Variants in DYNC2I2 observed in about 807,000 individuals in gnomAD.
DYNC2I2 encodes cytoplasmic dynein 2 intermediate chain 2.
In DYNC2I2, 39 loss-of-function variants were observed where a neutral mutation model predicts 52.0. That is an observed-to-expected ratio of 0.75 (90% CI 0.58 to 0.98). The LOEUF (loss-of-function observed/expected upper bound fraction) is 0.98, where lower values mean the gene tolerates loss of function less well. Ranked by LOEUF, DYNC2I2 falls within the 50% of genes least tolerant of loss-of-function variation. DYNC2I2 has a pLI of 0.00. For missense variants in DYNC2I2, 743 were observed against 728.4 expected, an observed-to-expected ratio of 1.02 and a Z score of -0.23; for synonymous variants, 359 against 321.1, an observed-to-expected ratio of 1.12 and a Z score of -1.26.
upstream of DYNC2I2, among the ~76,000 whole-genome samples, chr9:128,661,226 C>G (rs1860913040): frequency 6.8e-6 from 1 of 146,806 alleles, no homozygotes; most frequent in African/African-American, 2.5e-5. Context: ...CCTGTAATCC[C>G]AGCTACTCCG....
chr9:128,666,091 A>G, the DYNC2I2 span, among the ~76,000 whole-genome samples: 1 of 152,060 alleles, frequency 6.6e-6, no homozygotes, highest in Non-Finnish European at 1.5e-5. Flanking sequence ...ATAGAAAAAA[A>G]ATGTGTTGGA....
chr9:128,677,734 G>GA, the DYNC2I2 span, among the ~76,000 whole-genome samples: 1 of 152,090 alleles, frequency 6.6e-6, no homozygotes, highest in Admixed American at 6.6e-5. Flanking sequence ...TTGAACCCAG[G>GA]AGGCAGAAGG....
the DYNC2I2 span, among the ~76,000 whole-genome samples, chr9:128,665,509 C>T: frequency 3.3e-5 from 5 of 151,986 alleles, no homozygotes; most frequent in African/African-American, 1.2e-4. Context: ...GTGGTTCACA[C>T]CTGTAATTCC....
At chr9:128,636,461 C>T (rs771502199) in intron 3 of DYNC2I2, 23 bp from the exon 4 acceptor site, 23 of 1,583,014 alleles carry the variant, frequency 1.5e-5, no homozygotes, top group East Asian at 2.3e-5. Flanking sequence ...AGGCTTGAGC[C>T]GGCTGTGCCC....
At chr9:128,647,381 G>A (rs1170767879) in intron 1 of DYNC2I2, among the ~76,000 whole-genome samples, 1 of 152,084 alleles carries the variant, frequency 6.6e-6, no homozygotes, top group African/African-American at 2.4e-5. Flanking sequence ...CACTTCCTAG[G>A]CCACTCTCAG....
At chr9:128,660,210 G>A (rs193153350), upstream of DYNC2I2, among the ~76,000 whole-genome samples, 98 of 151,994 alleles carry the variant, frequency 6.4e-4, no homozygotes, top group African/African-American at 1.9e-3. Context: ...CCGGGTTCAC[G>A]CCGTTCTCCT....
chr9:128,649,624 G>C (rs1860686346), intron 1 of DYNC2I2, among the ~76,000 whole-genome samples: 1 of 140,808 alleles, frequency 7.1e-6, no homozygotes, highest in Admixed American at 7.9e-5. Flanking sequence ...AGGGGGCAGA[G>C]ATTGCAGTGA....
upstream of DYNC2I2, among the ~76,000 whole-genome samples, chr9:128,661,486 C>T (rs543509830): frequency 2.0e-5 from 3 of 151,516 alleles, no homozygotes; most frequent in Admixed American, 2.0e-4. Context: ...GGTGACATAG[C>T]GGGTGCCTGT....
the DYNC2I2 span, among the ~76,000 whole-genome samples, chr9:128,680,461 T>C: frequency 6.6e-6 from 1 of 151,916 alleles, no homozygotes; most frequent in East Asian, 1.9e-4. Context: ...CACTGAAAGC[T>C]CCACCTCCTG....
rs535815665 is a variant in DYNC2I2, at chr9:128,639,267, G to A, written c.435+1424C>T. ...TACAAAATTAGCCGGGCGTGGTGGC[G>A]GGTGCCTGTAATCCCAGCTGCTCAG... On this transcript the variant is annotated intron_variant, in intron 2 of 8. Coordinates refer to ENST00000372715, the MANE Select transcript of DYNC2I2 (RefSeq NM_052844.4). 4.6e-5 allele frequency among the ~76,000 whole-genome samples: 7 copies of A among 151,646 alleles called. No homozygotes were observed. In the East Asian group the frequency reaches 9.8e-4, roughly 21 times the overall value.
chr9:128,644,710 T>G (rs1339700991), intron 1 of DYNC2I2, among the ~76,000 whole-genome samples: 1 of 152,222 alleles, frequency 6.6e-6, no homozygotes, highest in South Asian at 2.1e-4. Flanking sequence ...CTTTGCAGAT[T>G]CAGCACTTTT....
At chr9:128,637,056 A>G (rs577666695) in intron 2 of DYNC2I2, 29 bp from the exon 3 acceptor site, 1 of 1,571,270 alleles carries the variant, frequency 6.4e-7, no homozygotes, top group Admixed American at 1.7e-5. Flanking sequence ...CCCTGAGTCC[A>G]AAGCCACCAG....
intron 7 of DYNC2I2, 134 bp from the exon 8 acceptor site, chr9:128,634,517 C>T (rs987465151): frequency 3.0e-6 from 4 of 1,346,428 alleles, no homozygotes; most frequent in African/African-American, 1.5e-5. Context: ...GGAGTTGGTC[C>T]TCTCATTAGA....
At chr9:128,660,014 C>T (rs1418349636), upstream of DYNC2I2, among the ~76,000 whole-genome samples, 2 of 150,536 alleles carry the variant, frequency 1.3e-5, no homozygotes, top group Admixed American at 6.6e-5. Context: ...GTGCAGTGAG[C>T]CATGATTGCG....
Position 128,648,631 on chromosome 9 carries a change from C to CAAA in DYNC2I2, c.187-7695_187-7693dup, listed in dbSNP as rs71381783. ...TGAAGCCCTATCTCTACTAAAAATA[C>CAAA]AAAAAAAAAAAAAAAAAAATTAGCC... On this transcript the variant is annotated intron_variant, in intron 1 of 8. Coordinates refer to ENST00000372715, the MANE Select transcript of DYNC2I2 (RefSeq NM_052844.4). Among the ~76,000 whole-genome samples the CAAA allele has an allele frequency of 4.6e-4, 56 of 121,306 alleles. No homozygotes were observed. In the East Asian group the frequency reaches 4.7e-3, roughly 10 times the overall value. The allele number at this position is 121,306 out of a possible 152,430, so 79.6% of individuals were successfully genotyped here.
chr9:128,653,086 C>G (rs149906895), intron 1 of DYNC2I2, among the ~76,000 whole-genome samples: 4 of 148,766 alleles, frequency 2.7e-5, no homozygotes, highest in African/African-American at 1.0e-4. Flanking sequence ...AAAATTAGCC[C>G]AATGTGGTGG....
upstream of DYNC2I2, among the ~76,000 whole-genome samples, chr9:128,658,269 G>A (rs1860874827): frequency 6.6e-6 from 1 of 151,346 alleles, no homozygotes; most frequent in East Asian, 1.9e-4. Context: ...CAGTTCAAGC[G>A]ATTCTCATGC....
intron 1 of DYNC2I2, among the ~76,000 whole-genome samples, chr9:128,654,564 T>C (rs1044813614): frequency 2.6e-5 from 4 of 152,060 alleles, no homozygotes; most frequent in African/African-American, 9.7e-5. Flanking sequence ...CTGACCTTTT[T>C]TTCCCCCTGT....
chr9:128,643,459 G>A (rs540102065), intron 1 of DYNC2I2, among the ~76,000 whole-genome samples: 2 of 151,844 alleles, frequency 1.3e-5, no homozygotes, highest in East Asian at 1.9e-4. Context: ...CTTGGGGGGC[G>A]GAGGTTGCAG....
Sources: gnomAD v4.1 joint callset for allele counts (sites outside exome capture counted in the v4.1 genomes callset) on GRCh38, gnomAD v4.1.1 for gene constraint, MANE v1.5 for transcripts, NCBI Gene and HGNC (gene_info 2026-07-23, HGNC 2026-07-21) for gene names.